SLC22A16: variants seen among roughly 807,000 people sequenced by gnomAD.
SLC22A16 encodes WUGSC:RG331P03.1.
SLC22A16 carries 53 observed loss-of-function variants against 52.9 expected under a neutral mutation model. The observed-to-expected ratio is 1.00, with a 90% CI of 0.80 to 1.26. The LOEUF (loss-of-function observed/expected upper bound fraction) is 1.26, where lower values mean the gene tolerates loss of function less well. Ranked by LOEUF, SLC22A16 falls within the 50% of genes most tolerant of loss-of-function variation. SLC22A16 has a pLI of 0.00. For missense variants in SLC22A16, 726 were observed against 704.0 expected (o/e 1.03, Z -0.35); for synonymous variants, 291 against 268.8 (o/e 1.08, Z -0.81).
intron 1 of SLC22A16, among the ~76,000 whole-genome samples, chr6:110,470,624 A>G (rs1776227204): frequency 6.6e-6 from 1 of 151,950 alleles, no homozygotes; most frequent in Non-Finnish European, 1.5e-5. Flanking sequence ...TCATCACCAC[A>G]TCACCAGAAC....
intron 3 of SLC22A16, 124 bp downstream of exon 3, chr6:110,446,749 A>G: frequency 1.3e-6 from 1 of 798,926 alleles, no homozygotes; most frequent in South Asian, 1.7e-5. Context: ...AGACTTCTGC[A>G]GTGGAGTGGA....
chr6:110,467,750 C>A (rs1450191664), intron 1 of SLC22A16, among the ~76,000 whole-genome samples: 1 of 152,244 alleles, frequency 6.6e-6, no homozygotes, highest in East Asian at 1.9e-4. Context: ...TATACACACA[C>A]ATATTCATAT....
intron 1 of SLC22A16, among the ~76,000 whole-genome samples, chr6:110,460,592 A>G (rs10457214): frequency 0.071 from 10,726 of 152,096 alleles, 633 homozygotes; most frequent in African/African-American, 0.16. Context: ...GTGATTTGGG[A>G]ACTTCCTGAG....
intron 1 of SLC22A16, among the ~76,000 whole-genome samples, chr6:110,466,039 G>A (rs942496346): frequency 6.6e-6 from 1 of 152,064 alleles, no homozygotes; most frequent in African/African-American, 2.4e-5. Context: ...AATGGGAAAA[G>A]GACTCTCTAT....
rs1159944588 is a variant in SLC22A16, at chr6:110,424,824, G to A, written c.*49C>T. ...AGAATAAGATTCCTCTAATACAAAG[G>A]CATTAGGGTAAATAATATTTCAGGT... On this transcript the variant is annotated 3_prime_UTR_variant, in exon 8 of 8. Coordinates refer to ENST00000368919, the MANE Select transcript of SLC22A16 (RefSeq NM_033125.4). The A allele has an allele frequency of 6.2e-7, 1 of 1,604,172 alleles. No homozygotes were observed. Among genetic ancestry groups the A allele is most frequent in the Admixed American group, 1.7e-5 (1 of 59,822 alleles).
intron 1 of SLC22A16, among the ~76,000 whole-genome samples, chr6:110,472,735 AC>A (rs1776302227): frequency 6.6e-6 from 1 of 152,122 alleles, no homozygotes; most frequent in South Asian, 2.1e-4. Flanking sequence ...TCATGCATGT[AC>A]CCAACCTAGG....
intron 7 of SLC22A16, among the ~76,000 whole-genome samples, chr6:110,429,930 G>C (rs950688779): frequency 2.0e-5 from 3 of 152,026 alleles, no homozygotes; most frequent in African/African-American, 7.2e-5. Context: ...GGGAGGAGAA[G>C]GGAAGGCTTG....
At chr6:110,449,064 G>C (rs76132164) in intron 2 of SLC22A16, among the ~76,000 whole-genome samples, 2,038 of 152,192 alleles carry the variant, frequency 0.013, 36 homozygotes, top group African/African-American at 0.047. Flanking sequence ...TCAGAAGGGA[G>C]TATTTCCTTC....
At chr6:110,433,451 T>C (rs1463464101) in intron 6 of SLC22A16, among the ~76,000 whole-genome samples, 1 of 152,194 alleles carries the variant, frequency 6.6e-6, no homozygotes, top group Non-Finnish European at 1.5e-5. Context: ...ATTTATGCTA[T>C]CTCTTGACTA....
intron 1 of SLC22A16, among the ~76,000 whole-genome samples, chr6:110,463,557 A>G (rs1775966343): frequency 6.7e-6 from 1 of 149,046 alleles, no homozygotes; most frequent in Admixed American, 6.7e-5. Flanking sequence ...AGCATTATCC[A>G]ATGATACACG....
chr6:110,451,886 T>G (rs1044873975), intron 2 of SLC22A16, among the ~76,000 whole-genome samples: 1 of 152,242 alleles, frequency 6.6e-6, no homozygotes, highest in Non-Finnish European at 1.5e-5. Flanking sequence ...TAAAATCGTA[T>G]AGTTTTGCTT....
rs1775531615 is a variant in SLC22A16 at position 110,454,665 on chromosome 6, ATTTATATATATTATATATTTTATATT to A, written c.533+1847_533+1872del. On this transcript the variant is annotated intron_variant, in intron 2 of 7. Coordinates refer to ENST00000368919, the MANE Select transcript of SLC22A16 (RefSeq NM_033125.4). ...TATATATTTTATATATATTATATAT[ATTTATATATATTATATATTTTATATT>A]ATATATATTTTTTGTATATATATTT... Among the ~76,000 whole-genome samples the A allele has an allele frequency of 1.1e-4, 5 of 45,372 alleles. No individual in the cohort carries two copies. In the Admixed American group the frequency reaches 1.6e-3, roughly 15 times the overall value. 29.8% of individuals were successfully genotyped at this position (45,372 alleles called of 152,430 possible).
intron 1 of SLC22A16, among the ~76,000 whole-genome samples, chr6:110,466,708 C>T (rs1006589133): frequency 1.3e-5 from 2 of 152,134 alleles, no homozygotes; most frequent in East Asian, 1.9e-4. Context: ...CTATGGAAAA[C>T]ATTATCAAGA....
chr6:110,457,059 G>T (rs781038434), intron 1 of SLC22A16, 42 bp from the exon 2 acceptor site: 2 of 1,495,942 alleles, frequency 1.3e-6, no homozygotes, highest in South Asian at 2.9e-5. Flanking sequence ...TGGTCTATAG[G>T]CTGAAAAAGA....
intron 2 of SLC22A16, 81 bp from the exon 3 acceptor site, chr6:110,447,071 A>G: frequency 1.8e-6 from 2 of 1,099,096 alleles, no homozygotes; most frequent in Non-Finnish European, 2.7e-6. Context: ...CATAAAAGAT[A>G]GGCATTACCT....
chr6:110,450,206 G>A (rs1325837353), intron 2 of SLC22A16, among the ~76,000 whole-genome samples: 1 of 152,112 alleles, frequency 6.6e-6, no homozygotes, highest in Non-Finnish European at 1.5e-5. Flanking sequence ...GGGCACAATA[G>A]TGTCTATCTC....
At chr6:110,470,702 A>T (rs1187507811) in intron 1 of SLC22A16, among the ~76,000 whole-genome samples, 1 of 151,994 alleles carries the variant, frequency 6.6e-6, no homozygotes, top group Non-Finnish European at 1.5e-5. Context: ...ACACACACAT[A>T]CACCAACACA....
At chr6:110,443,784 T>A (rs1311803493) in intron 3 of SLC22A16, among the ~76,000 whole-genome samples, 3 of 152,036 alleles carry the variant, frequency 2.0e-5, no homozygotes, top group African/African-American at 7.2e-5. Flanking sequence ...CCCCCAAGGG[T>A]CCGTCCATAG....
In SLC22A16 at chr6:110,475,976, A is replaced by G. The variant is rs553682598; in HGVS notation, c.53+546T>C. The G allele has an allele frequency of 3.8e-4, 174 of 456,456 alleles. 1 individual carries two copies. The highest frequency in any genetic ancestry group is 3.3e-3 in the African/African-American group (163 of 50,150). The allele number at this position is 456,456 out of a possible 1,614,324, so 28.3% of individuals were successfully genotyped here. On this transcript the variant is annotated intron_variant, in intron 1 of 7. Coordinates refer to ENST00000368919, the MANE Select transcript of SLC22A16 (RefSeq NM_033125.4). ...GGTCCCGGTGAACATCAAATGAAGAACTATGTGTAAGCGCCAGGTACAGTG... is the reference window on the plus strand; with the variant it reads ...GGTCCCGGTGAACATCAAATGAAGAGCTATGTGTAAGCGCCAGGTACAGTG...
Sources: gnomAD v4.1 joint callset for allele counts (sites outside exome capture counted in the v4.1 genomes callset) on GRCh38, gnomAD v4.1.1 for gene constraint, MANE v1.5 for transcripts, NCBI Gene and HGNC (gene_info 2026-07-23, HGNC 2026-07-21) for gene names.